AKR1E2: variants seen among roughly 807,000 people sequenced by gnomAD.
AKR1E2 encodes aldo-keto reductase family 1 member E2, also known as 1,5-anhydro-D-fructose reductase.
A neutral mutation model predicts 41.9 loss-of-function variants in AKR1E2; 43 were observed. The observed-to-expected ratio is 1.03, with a 90% CI of 0.80 to 1.32. The LOEUF (loss-of-function observed/expected upper bound fraction) is 1.32. Among genes scored for constraint, AKR1E2 ranks in the 40% most tolerant of loss-of-function variants. The pLI is 0.00. For missense variants in AKR1E2, 423 were observed against 396.5 expected (o/e 1.07, Z -0.57); for synonymous variants, 121 against 138.9 (o/e 0.87, Z 0.91).
At chr10:4,838,241 A>G (rs1833592794) in intron 5 of AKR1E2, among the ~76,000 whole-genome samples, 1 of 152,222 alleles carries the variant, frequency 6.6e-6, no homozygotes, top group Non-Finnish European at 1.5e-5. Context: ...CGAGCACAGC[A>G]TCATTCCCAT....
intron 1 of AKR1E2, among the ~76,000 whole-genome samples, chr10:4,826,873 C>A (rs1832565018): frequency 1.3e-5 from 2 of 152,006 alleles, no homozygotes; most frequent in Admixed American, 1.3e-4. Flanking sequence ...CTCAGGAGTT[C>A]AAGACCAGCC....
At chr10:4,829,782 A>G (rs941255504) in intron 1 of AKR1E2, among the ~76,000 whole-genome samples, 1 of 152,130 alleles carries the variant, frequency 6.6e-6, no homozygotes, top group Non-Finnish European at 1.5e-5. Flanking sequence ...AGTTTTTTAA[A>G]AAGTTGGCCT....
the AKR1E2 span, among the ~76,000 whole-genome samples, chr10:4,869,395 G>A: frequency 6.6e-6 from 1 of 151,936 alleles, no homozygotes; most frequent in African/African-American, 2.4e-5. Context: ...TCCTTATGTT[G>A]GTAGTCTATA....
At chr10:4,839,683 G>A (rs1833714805) in intron 5 of AKR1E2, 46 bp from the exon 6 acceptor site, 1 of 1,561,152 alleles carries the variant, frequency 6.4e-7, no homozygotes, top group Non-Finnish European at 8.8e-7. Flanking sequence ...AGCTTTTCTT[G>A]AACACTAGTG....
chr10:4,841,916 G>A, intron 7 of AKR1E2, 59 bp downstream of exon 7: 3 of 1,496,026 alleles, frequency 2.0e-6, no homozygotes, highest in Non-Finnish European at 2.7e-6. Flanking sequence ...TACATCCTTG[G>A]GGAGTCCTGG....
At chr10:4,840,510 C>G (rs1468295246) in intron 6 of AKR1E2, among the ~76,000 whole-genome samples, 1 of 152,176 alleles carries the variant, frequency 6.6e-6, no homozygotes, top group Non-Finnish European at 1.5e-5. Flanking sequence ...TCTTTCCTTT[C>G]CTATGATCCT....
In AKR1E2 at chr10:4,847,837, A is replaced by G. The variant is rs1487191819; in HGVS notation, c.*307A>G. On this transcript the variant is annotated 3_prime_UTR_variant, in exon 10 of 10. Coordinates refer to ENST00000298375, the MANE Select transcript of AKR1E2 (RefSeq NM_001040177.3). ...TTTATCTTATGGAGTTATTTAAGCC[A>G]TCTACAGAGCTGAGGAAACAGTGTA... 2 of 371,984 alleles carry G rather than the reference A, an allele frequency of 5.4e-6. No homozygotes were observed. Among genetic ancestry groups the G allele is most frequent in the Non-Finnish European group, 9.7e-6 (2 of 206,498 alleles). 23.0% of individuals were successfully genotyped at this position (371,984 alleles called of 1,614,324 possible).
At chr10:4,858,861 T>A in the AKR1E2 span, among the ~76,000 whole-genome samples, 2 of 148,764 alleles carry the variant, frequency 1.3e-5, no homozygotes, top group African/African-American at 5.0e-5. Context: ...TCTCACTTTG[T>A]CACCCAGGCT....
At chr10:4,868,869 A>G in the AKR1E2 span, among the ~76,000 whole-genome samples, 2 of 152,122 alleles carry the variant, frequency 1.3e-5, no homozygotes, top group Non-Finnish European at 2.9e-5. Flanking sequence ...CCAGCCCTGT[A>G]TCCTTGATAT....
chr10:4,872,051 A>G, the AKR1E2 span: 1 of 152,200 alleles, frequency 6.6e-6, no homozygotes, highest in Non-Finnish European at 1.5e-5. Context: ...GTTAAGTACA[A>G]ACCCAACTAG....
intron 7 of AKR1E2, 52 bp from the exon 8 acceptor site, chr10:4,842,369 G>C: frequency 6.6e-7 from 1 of 1,515,024 alleles, no homozygotes; most frequent in Non-Finnish European, 9.2e-7. Context: ...AAATAACTTA[G>C]ACTACATGGG....
chr10:4,857,765 A>T, the AKR1E2 span, among the ~76,000 whole-genome samples: 6 of 152,314 alleles, frequency 3.9e-5, no homozygotes, highest in East Asian at 9.6e-4. Flanking sequence ...CATTTTATCT[A>T]GGTTATCTAA....
upstream of AKR1E2, among the ~76,000 whole-genome samples, chr10:4,825,401 A>G (rs1276592259): frequency 6.6e-6 from 1 of 151,122 alleles, no homozygotes; most frequent in Non-Finnish European, 1.5e-5. Flanking sequence ...GGCTCCCTTG[A>G]CCCCTCTTTC....
At position 4,830,719 on chromosome 10, in the gene AKR1E2, C is replaced by G. The variant is rs3750740; in HGVS notation, c.84C>G (p.Asp28Glu). ...CCGAGGCAGTGAAAGAGGCCATTGACGCAGGGTACCGGCACTTCGACTGTG... is the reference window on the plus strand; with the variant it reads ...CCGAGGCAGTGAAAGAGGCCATTGAGGCAGGGTACCGGCACTTCGACTGTG... Reference protein sequence around the residue: ...KVTEAVKEAIDAGYRHFDCAY... With the variant: ...KVTEAVKEAIEAGYRHFDCAY... The change falls in exon 2 of 10, where the codon GAC becomes GAG. Residue 28 changes from aspartate to glutamate, a missense_variant. Physicochemically the swap from Asp to Glu is conservative, Grantham distance 45 (BLOSUM62 2). Coordinates refer to ENST00000298375, the MANE Select transcript of AKR1E2 (RefSeq NM_001040177.3). 7.4e-6 allele frequency: 12 copies of G among 1,613,932 alleles called. No homozygotes were observed. The highest frequency in any genetic ancestry group is 1.6e-4 in the Middle Eastern group (1 of 6,084).
At chr10:4,869,038 G>A in the AKR1E2 span, among the ~76,000 whole-genome samples, 31 of 151,946 alleles carry the variant, frequency 2.0e-4, no homozygotes, top group Non-Finnish European at 4.0e-4. Flanking sequence ...TCATATTGGG[G>A]TAATGCTAGC....
At chr10:4,870,336 G>A in the AKR1E2 span, among the ~76,000 whole-genome samples, 1 of 151,666 alleles carries the variant, frequency 6.6e-6, no homozygotes, top group African/African-American at 2.4e-5. Flanking sequence ...AACTCAAGAG[G>A]GCAAGAACAA....
the AKR1E2 span, among the ~76,000 whole-genome samples, chr10:4,866,783 G>T: frequency 6.6e-6 from 1 of 151,994 alleles, no homozygotes; most frequent in Admixed American, 6.6e-5. Flanking sequence ...TGAGCCAGGA[G>T]TGCTGAGTAG....
intron 7 of AKR1E2, 27 bp from the exon 8 acceptor site, chr10:4,842,394 G>A (rs1243997678): frequency 6.2e-7 from 1 of 1,603,440 alleles, no homozygotes; most frequent in Non-Finnish European, 8.5e-7. Flanking sequence ...CCCTTTGTGT[G>A]ATAGTAGACT....
chr10:4,856,093 T>C, the AKR1E2 span, among the ~76,000 whole-genome samples: 1 of 152,206 alleles, frequency 6.6e-6, no homozygotes, highest in Admixed American at 6.5e-5. Flanking sequence ...GTGTAACATA[T>C]ATTTGAGACT....
Sources: gnomAD v4.1 joint callset for allele counts (sites outside exome capture counted in the v4.1 genomes callset) on GRCh38, gnomAD v4.1.1 for gene constraint, MANE v1.5 for transcripts, NCBI Gene and HGNC (gene_info 2026-07-23, HGNC 2026-07-21) for gene names.